The following BRD4 variants were observed in gnomAD, a reference collection of about 807,000 sequenced individuals.
The protein encoded by BRD4 is bromodomain containing 4.
BRD4 carries 16 observed loss-of-function variants against 142.1 expected under a neutral mutation model. The observed-to-expected ratio is 0.11, with a 90% CI of 0.08 to 0.17. The LOEUF (loss-of-function observed/expected upper bound fraction) is 0.17, where lower values mean the gene tolerates loss of function less well. BRD4 is among the 10% of genes least tolerant of loss of function. BRD4 has a pLI of 1.00. For synonymous variants in BRD4, 833 were observed against 707.5 expected (o/e 1.18, Z -2.82); for missense variants, 1,424 against 1,810.9 (o/e 0.79, Z 3.88).
At chr19:15,275,996 A>AAAAAAG (rs1238372287) in intron 1 of BRD4, among the ~76,000 whole-genome samples, 1 of 152,208 alleles carries the variant, frequency 6.6e-6, no homozygotes, top group Non-Finnish European at 1.5e-5. Context: ...CTCCATCTCA[A>AAAAAAG]AAAAAGAAAA....
chr19:15,309,826 T>C (rs1057051077), intron 1 of BRD4, among the ~76,000 whole-genome samples: 2 of 151,974 alleles, frequency 1.3e-5, no homozygotes, highest in African/African-American at 4.8e-5. Flanking sequence ...AGGACTGAGG[T>C]ACTGTACCCA....
intron 1 of BRD4, among the ~76,000 whole-genome samples, chr19:15,311,695 G>A (rs2047972622): frequency 2.0e-5 from 3 of 151,736 alleles, no homozygotes; most frequent in Admixed American, 2.0e-4. Flanking sequence ...CCAGCTACTT[G>A]AGAGGCTGAG....
chr19:15,266,281 A>G (rs995339563), intron 4 of BRD4, among the ~76,000 whole-genome samples: 13 of 152,208 alleles, frequency 8.5e-5, no homozygotes, highest in Non-Finnish European at 1.6e-4. Context: ...AATGTCTAGG[A>G]GCATAACCTG....
chr19:15,285,498 G>C (rs780352005), intron 1 of BRD4, among the ~76,000 whole-genome samples: 1 of 152,138 alleles, frequency 6.6e-6, no homozygotes, highest in Non-Finnish European at 1.5e-5. Context: ...CTGGGAGACA[G>C]AGGTTGCTGT....
At chr19:15,287,615 C>T (rs1467268015) in intron 1 of BRD4, among the ~76,000 whole-genome samples, 1 of 152,030 alleles carries the variant, frequency 6.6e-6, no homozygotes, top group Non-Finnish European at 1.5e-5. Flanking sequence ...CTCCCAATCC[C>T]TGCCTCTGGC....
chr19:15,304,725 T>A (rs2047898968), intron 1 of BRD4, among the ~76,000 whole-genome samples: 1 of 152,172 alleles, frequency 6.6e-6, no homozygotes. Flanking sequence ...TCAATGTGTC[T>A]GTATGCTGTA....
At chr19:15,276,387 G>A (rs1320940101) in intron 1 of BRD4, among the ~76,000 whole-genome samples, 1 of 151,898 alleles carries the variant, frequency 6.6e-6, no homozygotes, top group Non-Finnish European at 1.5e-5. Context: ...ACTGCCCCAG[G>A]CCCCTAGCAT....
chr19:15,245,374 C>A (rs546447471), intron 11 of BRD4, among the ~76,000 whole-genome samples: 2 of 152,010 alleles, frequency 1.3e-5, no homozygotes, highest in Non-Finnish European at 2.9e-5. Flanking sequence ...ACACAGAGAG[C>A]CCACTCCGGG....
chr19:15,311,199 C>A (rs751592562), intron 1 of BRD4, among the ~76,000 whole-genome samples: 2 of 150,950 alleles, frequency 1.3e-5, no homozygotes, highest in African/African-American at 4.9e-5. Flanking sequence ...GGCTGAGGCA[C>A]GAGAATTGCT....
intron 7 of BRD4, among the ~76,000 whole-genome samples, chr19:15,261,398 G>A (rs2047469715): frequency 6.6e-6 from 1 of 152,014 alleles, no homozygotes; most frequent in Admixed American, 6.6e-5. Flanking sequence ...CAGGAGAACT[G>A]CTTGAACCAG....
intron 1 of BRD4, among the ~76,000 whole-genome samples, chr19:15,326,733 G>A (rs2048111546): frequency 6.6e-6 from 1 of 152,148 alleles, no homozygotes. Context: ...TTCAGGACGA[G>A]GACAAGAATG....
At chr19:15,306,431 G>C (rs1399292809) in intron 1 of BRD4, among the ~76,000 whole-genome samples, 2 of 152,020 alleles carry the variant, frequency 1.3e-5, no homozygotes, top group Non-Finnish European at 2.9e-5. Context: ...ACCATGCCTG[G>C]CTACTTTTTC....
At chr19:15,308,298 C>T (rs1180029443) in intron 1 of BRD4, among the ~76,000 whole-genome samples, 2 of 149,000 alleles carry the variant, frequency 1.3e-5, no homozygotes, top group South Asian at 2.1e-4. Context: ...TCTCTTAAAA[C>T]GGTAGGTTGG....
Position 15,253,760 on chromosome 19 carries a change from CG to C in BRD4, c.2158+391del, listed in dbSNP as rs749523861. 9 of 1,598,094 alleles carry C rather than the reference CG, an allele frequency of 5.6e-6. No individual in the cohort carries two copies. In the African/African-American group the frequency reaches 9.3e-5, roughly 17 times the overall value. On this transcript the variant is annotated intron_variant, in intron 11 of 19. Coordinates refer to ENST00000679869, the MANE Select transcript of BRD4 (RefSeq NM_001379291.1). Reference sequence around the variant, plus strand: ...TGATACGGGGAAGGCCCTGGGGACACGAAGTCTCCACTGGTGCAGAAAGCTG... The same window carrying C: ...TGATACGGGGAAGGCCCTGGGGACACAAGTCTCCACTGGTGCAGAAAGCTG...
intron 1 of BRD4, among the ~76,000 whole-genome samples, chr19:15,292,066 T>C (rs1389089519): frequency 6.6e-6 from 1 of 152,216 alleles, no homozygotes; most frequent in African/African-American, 2.4e-5. Context: ...CTGTAAGCAG[T>C]GCTGAATGAT....
intron 1 of BRD4, among the ~76,000 whole-genome samples, chr19:15,307,337 G>C (rs976750660): frequency 6.6e-6 from 1 of 152,176 alleles, no homozygotes; most frequent in Non-Finnish European, 1.5e-5. Context: ...GGTGGATGGA[G>C]TGCTTCTGCT....
chr19:15,314,784 A>C (rs1256821273), intron 1 of BRD4, among the ~76,000 whole-genome samples: 1 of 152,218 alleles, frequency 6.6e-6, no homozygotes, highest in Non-Finnish European at 1.5e-5. Flanking sequence ...TGGATAACCC[A>C]GCTGCAGAAC....
intron 1 of BRD4, among the ~76,000 whole-genome samples, chr19:15,322,037 A>C (rs913611483): frequency 2.0e-5 from 3 of 152,094 alleles, no homozygotes; most frequent in Non-Finnish European, 4.4e-5. Flanking sequence ...CACACACACA[A>C]ATCAAGGTAT....
chr19:15,309,354 A>AC (rs2047946307), intron 1 of BRD4, among the ~76,000 whole-genome samples: 1 of 151,918 alleles, frequency 6.6e-6, no homozygotes, highest in Non-Finnish European at 1.5e-5. Context: ...AAAAAAAAAA[A>AC]AACCAACAAA....
Sources: gnomAD v4.1 joint callset for allele counts (sites outside exome capture counted in the v4.1 genomes callset) on GRCh38, gnomAD v4.1.1 for gene constraint, MANE v1.5 for transcripts, NCBI Gene and HGNC (gene_info 2026-07-23, HGNC 2026-07-21) for gene names.